The following CRYBG1 variants were observed in gnomAD, a reference collection of about 807,000 sequenced individuals.
CRYBG1 encodes the protein beta/gamma crystallin domain-containing protein 1.
Under a neutral mutation model 189.2 loss-of-function variants are expected in CRYBG1, and 139 were observed. The observed-to-expected ratio is 0.73, with a 90% CI of 0.64 to 0.85. The LOEUF (loss-of-function observed/expected upper bound fraction) is 0.85, where lower values mean the gene tolerates loss of function less well. Among genes scored for constraint, CRYBG1 ranks in the 40% least tolerant of loss-of-function variants. The pLI is 0.00. For missense variants in CRYBG1, 2,611 were observed against 2,675.8 expected (o/e 0.98, Z 0.53); for synonymous variants, 1,023 against 1,017.1 (o/e 1.01, Z -0.11).
chr6:106,571,696 C>CA lies in CRYBG1; in HGVS notation c.*3136dup. ...ACACAGCGAGACCCTGTCTCTAAAA[C>CA]AAAAAAGACAATAAAGTAGTTTAAG... On this transcript the variant is annotated 3_prime_UTR_variant, in exon 22 of 22. Transcript: ENST00000633556. 3.5e-6 allele frequency: 1 copy of CA among 286,928 alleles called. No individual in the cohort carries two copies. Among genetic ancestry groups the CA allele is most frequent in the Non-Finnish European group, 6.7e-6 (1 of 149,158 alleles). The allele number at this position is 286,928 out of a possible 1,614,324, so 17.8% of individuals were successfully genotyped here.
In CRYBG1 at chr6:106,563,829, G is replaced by A; in HGVS notation, c.6204G>A (p.Leu2068=). 2.5e-6 allele frequency: 4 copies of A among 1,613,750 alleles called. No individual in the cohort carries two copies. Among genetic ancestry groups the A allele is most frequent in the Non-Finnish European group, 3.4e-6 (4 of 1,179,658 alleles). ...TAACATCTGGCTCCAAGCTAGGCCT[G>A]GCCCTGGACCAGAATGCTGACAGCC... ...SLVTSGSKLG[L]ALDQNADSQF... The change falls in exon 21 of 22, where the codon CTG becomes CTA. Residue 2068 remains leucine (L), a synonymous_variant. Coordinates refer to ENST00000633556, the MANE Select transcript of CRYBG1 (RefSeq NM_001371242.2).
At chr6:106,476,632 T>A (rs1772340492) in intron 2 of CRYBG1, among the ~76,000 whole-genome samples, 2 of 152,170 alleles carry the variant, frequency 1.3e-5, no homozygotes, top group South Asian at 4.1e-4. Flanking sequence ...TATTCGGTCA[T>A]TTGGTATGTG....
chr6:106,571,923 G>T lies in CRYBG1; in HGVS notation c.*3357G>T. Reference sequence around the variant, plus strand: ...ATCTGGAAAAATGTTTGAAAGGGATGGCTAGAAAAAAATTTGGGCTCACAG... The same window carrying T: ...ATCTGGAAAAATGTTTGAAAGGGATTGCTAGAAAAAAATTTGGGCTCACAG... On this transcript the variant is annotated 3_prime_UTR_variant, in exon 22 of 22. Coordinates refer to ENST00000633556, the MANE Select transcript of CRYBG1 (RefSeq NM_001371242.2). 1.1e-6 allele frequency: 1 copy of T among 943,888 alleles called. No homozygotes were observed. Among genetic ancestry groups the T allele is most frequent in the Non-Finnish European group, 1.7e-6 (1 of 585,834 alleles). The allele number at this position is 943,888 out of a possible 1,614,324, so 58.5% of individuals were successfully genotyped here.
At chr6:106,461,609 C>T (rs933255761) in intron 2 of CRYBG1, among the ~76,000 whole-genome samples, 12 of 152,066 alleles carry the variant, frequency 7.9e-5, no homozygotes, top group Admixed American at 3.3e-4. Context: ...GTCAGAAATC[C>T]CTCACTGGGG....
At position 106,551,852 on chromosome 6, in the gene CRYBG1, A is replaced by G. The variant is rs761103725; in HGVS notation, c.5313A>G (p.Val1771=). ...KTQSINVLSG[V]WVAYENPDFT... is the part of the protein sequence containing the mutation. ...ACAAGTGATTGCTTTTGTTTCTTAG[A>G]TGGGTAGCCTATGAAAATCCTGACT... Residue 1771 remains valine (V), a splice_region_variant and synonymous_variant, in exon 14 of 22, where the codon GTA becomes GTG. Coordinates refer to ENST00000633556, the MANE Select transcript of CRYBG1 (RefSeq NM_001371242.2). 7 of 1,611,548 alleles carry G rather than the reference A, an allele frequency of 4.3e-6. No homozygotes were observed. Among genetic ancestry groups the G allele is most frequent in the Non-Finnish European group, 5.9e-6 (7 of 1,178,462 alleles).
intron 1 of CRYBG1, among the ~76,000 whole-genome samples, chr6:106,425,692 C>T (rs1033259665): frequency 1.3e-5 from 2 of 152,128 alleles, no homozygotes; most frequent in African/African-American, 4.8e-5. Context: ...AGTGCAATGG[C>T]GTGATCTCGG....
chr6:106,455,706 ACATT>A (rs1391819621), intron 2 of CRYBG1, among the ~76,000 whole-genome samples: 1 of 152,148 alleles, frequency 6.6e-6, no homozygotes, highest in Non-Finnish European at 1.5e-5. Flanking sequence ...TTCTCGCCTC[ACATT>A]CAAACAAGTA....
intron 1 of CRYBG1, among the ~76,000 whole-genome samples, chr6:106,422,344 A>ATTTTTTTTTTTTTTTTTTTTT (rs145135507): frequency 7.1e-6 from 1 of 139,928 alleles, no homozygotes; most frequent in African/African-American, 2.7e-5. Flanking sequence ...TTATTTATTT[A>ATTTTTTTTTTTTTTTTTTTTT]TTTTTGAGAC....
At chr6:106,421,275 C>A (rs1012256825) in intron 1 of CRYBG1, among the ~76,000 whole-genome samples, 3 of 152,110 alleles carry the variant, frequency 2.0e-5, no homozygotes, top group African/African-American at 4.8e-5. Context: ...GAGGGAGAAC[C>A]ATGATGAGGC....
chr6:106,375,449 AAG>A, intron 1 of CRYBG1, among the ~76,000 whole-genome samples: 1 of 151,036 alleles, frequency 6.6e-6, no homozygotes, highest in Non-Finnish European at 1.5e-5. Context: ...AAATAAATAA[AAG>A]AGAGCATTGG....
At chr6:106,390,929 G>T (rs1215508999) in intron 1 of CRYBG1, among the ~76,000 whole-genome samples, 2 of 152,092 alleles carry the variant, frequency 1.3e-5, no homozygotes, top group Non-Finnish European at 2.9e-5. Flanking sequence ...TTTCTGTTGG[G>T]TATATACTCA....
intron 13 of CRYBG1, among the ~76,000 whole-genome samples, chr6:106,549,576 T>A (rs904850763): frequency 1.4e-5 from 2 of 146,006 alleles, no homozygotes; most frequent in Middle Eastern, 3.4e-3. Context: ...CTGACTCTAC[T>A]AAAAAAAATA....
At chr6:106,462,800 T>C (rs79553262) in intron 2 of CRYBG1, among the ~76,000 whole-genome samples, 1,690 of 152,314 alleles carry the variant, frequency 0.011, 29 homozygotes, top group African/African-American at 0.038. Context: ...TGTCTTAAGA[T>C]TGAGTGGCGA....
At chr6:106,385,129 C>T (rs566111610) in intron 1 of CRYBG1, among the ~76,000 whole-genome samples, 4 of 152,224 alleles carry the variant, frequency 2.6e-5, no homozygotes, top group Admixed American at 1.3e-4. Context: ...CCAGTGGTGA[C>T]TATTTTTCTA....
intron 1 of CRYBG1, among the ~76,000 whole-genome samples, chr6:106,422,344 A>ATTTATTTATTTATTTATTTATTTT (rs57640822): frequency 5.4e-4 from 75 of 139,986 alleles, no homozygotes; most frequent in East Asian, 8.8e-4. Context: ...TTATTTATTT[A>ATTTATTTATTTATTTATTTATTTT]TTTTTGAGAC....
Position 106,543,471 on chromosome 6 carries a change from G to A in CRYBG1, c.4913G>A (p.Gly1638Glu). 1 of 1,613,886 alleles carries A rather than the reference G, an allele frequency of 6.2e-7. No homozygotes were observed. The highest frequency in any genetic ancestry group is 8.5e-7 in the Non-Finnish European group (1 of 1,179,846). Residue 1638 changes from glycine to glutamate, a missense_variant, in exon 11 of 22, where the codon GGA becomes GAA. Physicochemically the swap from Gly to Glu is moderately conservative, Grantham distance 98 (BLOSUM62 -2). This residue lies in a region of CRYBG1 where 1,622 missense variants were observed against 1,735.0 expected (regional missense o/e 0.93). Coordinates refer to ENST00000633556, the MANE Select transcript of CRYBG1 (RefSeq NM_001371242.2). Reference protein sequence around the residue: ...VVVYEKPFFEGKCVELETGMC... With the variant: ...VVVYEKPFFEEKCVELETGMC... ...GTTTATGAAAAGCCTTTCTTTGAAG[G>A]AAAATGTGTGGAACTAGAAACAGGA...
chr6:106,495,373 T>C (rs1223902166), intron 2 of CRYBG1, among the ~76,000 whole-genome samples: 1 of 152,172 alleles, frequency 6.6e-6, no homozygotes, highest in Non-Finnish European at 1.5e-5. Context: ...CCATATTCTC[T>C]TGGTGTATCT....
chr6:106,563,746 G>C lies in CRYBG1; in HGVS notation c.6139-18G>C. 5.7e-6 allele frequency: 9 copies of C among 1,586,520 alleles called. No homozygotes were observed. Among genetic ancestry groups the C allele is most frequent in the Non-Finnish European group, 7.8e-6 (9 of 1,157,412 alleles). On this transcript the variant is annotated intron_variant, in intron 20 of 21. Coordinates refer to ENST00000633556, the MANE Select transcript of CRYBG1 (RefSeq NM_001371242.2). ...GCTGGATACATATTTAAGATATCTG[G>C]TCTTTTCCACTGAGCAGATAGCAGA...
intron 16 of CRYBG1, 82 bp from the exon 17 acceptor site, chr6:106,555,686 G>C: frequency 6.7e-7 from 1 of 1,495,964 alleles, no homozygotes; most frequent in Non-Finnish European, 9.1e-7. Context: ...TTTATAGCAG[G>C]CCACCTCTAA....
Sources: gnomAD v4.1 joint callset for allele counts (sites outside exome capture counted in the v4.1 genomes callset) on GRCh38, gnomAD v4.1.1 for gene constraint, gnomAD v4.1.1 regional missense constraint, MANE v1.5 for transcripts, NCBI Gene and HGNC (gene_info 2026-07-23, HGNC 2026-07-21) for gene names.